IPP: variants seen among roughly 807,000 people sequenced by gnomAD.
IPP encodes intracisternal A particle-promoted polypeptide.
IPP carries 41 observed loss-of-function variants against 64.1 expected under a neutral mutation model. The ratio of observed to expected loss-of-function variants is 0.64; its 90% CI spans 0.50 to 0.83. IPP has a LOEUF of 0.83. Ranked by LOEUF, IPP falls within the 40% of genes least tolerant of loss-of-function variation. The pLI, the probability that IPP is intolerant of heterozygous loss-of-function variation, is 0.00. For synonymous variants in IPP, 214 were observed against 235.2 expected (o/e 0.91, Z 0.83); for missense variants, 649 against 703.0 (o/e 0.92, Z 0.87).
chr1:45,701,338 A>AGT (rs1161725601), intron 8 of IPP, among the ~76,000 whole-genome samples: 1 of 151,218 alleles, frequency 6.6e-6, no homozygotes, highest in Non-Finnish European at 1.5e-5. Context: ...CCCAGGCTGG[A>AGT]GTGCAATGGT....
chr1:45,729,398 A>T (rs373822995), intron 4 of IPP, among the ~76,000 whole-genome samples: 1 of 152,240 alleles, frequency 6.6e-6, no homozygotes, highest in East Asian at 1.9e-4. Context: ...TAGATCACAG[A>T]ATAACAGATA....
At chr1:45,704,235 C>T (rs1041535042) in intron 8 of IPP, among the ~76,000 whole-genome samples, 1 of 151,360 alleles carries the variant, frequency 6.6e-6, no homozygotes. Context: ...ATAATGGAAG[C>T]AAAGTCTTTT....
chr1:45,714,508 G>T (rs1333674881), intron 7 of IPP, 42 bp from the exon 8 acceptor site: 2 of 1,111,236 alleles, frequency 1.8e-6, no homozygotes, highest in Non-Finnish European at 1.4e-6. Context: ...CAGATAGTGA[G>T]ATACAAATAA....
At chr1:45,695,356 G>C (rs1170364555), downstream of IPP, among the ~76,000 whole-genome samples, 1 of 151,974 alleles carries the variant, frequency 6.6e-6, no homozygotes, top group Admixed American at 6.6e-5. Flanking sequence ...GTAGAGACAG[G>C]GTCTCCCTAT....
At position 45,727,795 on chromosome 1, in the gene IPP, C is replaced by A; in HGVS notation, c.884G>T (p.Gly295Val). ...KARKYLYAVG[G>V]YTRLQGGRWS... ...GCGACCCCCCTGCAACCGAGTATAT[C>A]CACCTAAACAAAAGAAGAAAAGGTA... Residue 295 changes from glycine to valine, a missense_variant, in exon 5 of 9, where the codon GGA becomes GTA. By Grantham distance (109) the Gly-to-Val change is moderately radical. Transcript: ENST00000396478. The A allele has an allele frequency of 2.0e-6, 3 of 1,517,440 alleles. No individual in the cohort carries two copies. Among genetic ancestry groups the A allele is most frequent in the Admixed American group, 1.8e-5 (1 of 55,296 alleles). 94.0% of individuals were successfully genotyped at this position (1,517,440 alleles called of 1,614,324 possible). A position where few individuals can be genotyped will look rare whatever the true frequency, so the allele number is the denominator to read the frequency against.
chr1:45,717,323 T>C (rs1013207194), intron 6 of IPP, among the ~76,000 whole-genome samples: 1 of 150,822 alleles, frequency 6.6e-6, no homozygotes, highest in Non-Finnish European at 1.5e-5. Context: ...AAAACTTCAA[T>C]ATATTGCATG....
intron 6 of IPP, among the ~76,000 whole-genome samples, chr1:45,718,479 C>A (rs1285143911): frequency 6.6e-6 from 1 of 152,172 alleles, no homozygotes; most frequent in Non-Finnish European, 1.5e-5. Context: ...GATGCATCTG[C>A]CCAACAAGGC....
At chr1:45,741,628 T>TAAGTCACTTGTCCACAAGTTGCA (rs1307150264) in intron 2 of IPP, among the ~76,000 whole-genome samples, 25 of 96,470 alleles carry the variant, frequency 2.6e-4, no homozygotes, top group South Asian at 1.1e-3. Context: ...ATTTTCTTTT[T>TAAGTCACTTGTCCACAAGTTGCA]TTTTTTTTTT....
intron 6 of IPP, among the ~76,000 whole-genome samples, 179 bp from the exon 7 acceptor site, chr1:45,717,196 C>G (rs1645671219): frequency 7.5e-6 from 1 of 133,006 alleles, no homozygotes; most frequent in Non-Finnish European, 1.6e-5. Flanking sequence ...AACTCAGGTC[C>G]TTTGCATAAC....
Position 45,748,209 on chromosome 1 carries a change from CCT to C in IPP, c.-50-1750_-50-1749del, listed in dbSNP as rs1204395533. On this transcript the variant is annotated intron_variant, in intron 1 of 8. Transcript: ENST00000396478. Reference sequence around the variant, plus strand: ...TTGAGGTGATGAATATGGTAATTACCCTGATTTGATAATTATACATTATATAC... The same window carrying C: ...TTGAGGTGATGAATATGGTAATTACCGATTTGATAATTATACATTATATAC... Among the ~76,000 whole-genome samples, 10 of 151,936 alleles carry C rather than the reference CCT, an allele frequency of 6.6e-5. No homozygotes were observed. The East Asian group carries it at 1.9e-3, about 29-fold the overall frequency.
Position 45,740,983 on chromosome 1 carries a change from T to C in IPP, c.642A>G (p.Lys214=). The change falls in exon 3 of 9, where the codon AAA becomes AAG. Residue 214 remains lysine (K), a synonymous_variant. Coordinates refer to ENST00000396478, the MANE Select transcript of IPP (RefSeq NM_005897.3). ...GCACTTCCACCACATGTTTTCTTCTTTTTCCCAAATCTTTCAGAATCCATT... is the reference window on the plus strand; with the variant it reads ...GCACTTCCACCACATGTTTTCTTCTCTTTCCCAAATCTTTCAGAATCCATT... ...AMQWILKDLG[K]RRKHVVEVLD... is the part of the protein sequence containing the mutation. The C allele has an allele frequency of 6.2e-7, 1 of 1,614,042 alleles. No homozygotes were observed. The highest frequency in any genetic ancestry group is 8.5e-7 in the Non-Finnish European group (1 of 1,179,954).
chr1:45,725,470 T>G (rs796952617), intron 5 of IPP, among the ~76,000 whole-genome samples: 26,766 of 96,464 alleles, frequency 0.28, 3,132 homozygotes, highest in Middle Eastern at 0.34. Context: ...GAGGTGGGGG[T>G]GTCAGCCCCC....
intron 8 of IPP, among the ~76,000 whole-genome samples, chr1:45,706,553 G>A (rs1013452316): frequency 6.6e-6 from 1 of 152,064 alleles, no homozygotes; most frequent in Non-Finnish European, 1.5e-5. Flanking sequence ...AGGTTGAAAC[G>A]ATTCTCCTCC....
At chr1:45,725,679 G>A (rs1275107365) in intron 5 of IPP, among the ~76,000 whole-genome samples, 1 of 139,808 alleles carries the variant, frequency 7.2e-6, no homozygotes, top group Non-Finnish European at 1.6e-5. Context: ...TTGAGAAATC[G>A]GATGGTTGCC....
chr1:45,737,973 C>T (rs1272555050), intron 3 of IPP, among the ~76,000 whole-genome samples: 1 of 152,120 alleles, frequency 6.6e-6, no homozygotes, highest in Non-Finnish European at 1.5e-5. Flanking sequence ...AATTGTTCTA[C>T]TTTATTATTA....
rs763728669 is a variant in IPP, at chr1:45,746,183, C to T, written c.229G>A (p.Val77Ile). 6.2e-7 allele frequency: 1 copy of T among 1,614,132 alleles called. No individual in the cohort carries two copies. Among genetic ancestry groups the T allele is most frequent in the Non-Finnish European group, 8.5e-7 (1 of 1,179,976 alleles). The change falls in exon 2 of 9, where the codon GTT becomes ATT. Residue 77 changes from valine (V) to isoleucine (I), a missense_variant. Coordinates refer to ENST00000396478, the MANE Select transcript of IPP (RefSeq NM_005897.3). The part of the protein sequence containing the change: ...TGGMKESSKD[V>I]VPILGIEAGI... ...GCTTCAATTCCTAGAATCGGTACAA[C>T]ATCTTTTGAGGACTCTTTCATTCCT...
At chr1:45,694,502 G>C (rs751927830), downstream of IPP, 12 of 1,524,594 alleles carry the variant, frequency 7.9e-6, no homozygotes, top group East Asian at 2.0e-4. Context: ...GGAAAACCTC[G>C]TATCTGTGAG....
At chr1:45,719,041 TGAG>T (rs1357310795) in intron 6 of IPP, among the ~76,000 whole-genome samples, 159 bp downstream of exon 6, 2 of 152,304 alleles carry the variant, frequency 1.3e-5, no homozygotes, top group Admixed American at 1.3e-4. Context: ...GATAAATACT[TGAG>T]GAGATGGATA....
intron 1 of IPP, among the ~76,000 whole-genome samples, chr1:45,747,565 C>A (rs192142784): frequency 6.6e-6 from 1 of 152,020 alleles, no homozygotes; most frequent in Admixed American, 6.6e-5. Context: ...CAGTGGCTCA[C>A]GCCTGTAATC....
Sources: gnomAD v4.1 joint callset for allele counts (sites outside exome capture counted in the v4.1 genomes callset) on GRCh38, gnomAD v4.1.1 for gene constraint, MANE v1.5 for transcripts, NCBI Gene and HGNC (gene_info 2026-07-23, HGNC 2026-07-21) for gene names.